Variants in URB2 observed in about 807,000 individuals in gnomAD.
The protein encoded by URB2 is URB2 ribosome biogenesis homolog.
URB2 carries 86 observed loss-of-function variants against 120.9 expected under a neutral mutation model. The ratio of observed to expected loss-of-function variants is 0.71; its 90% CI spans 0.60 to 0.85. The LOEUF is 0.85. Ranked by LOEUF, URB2 falls within the 40% of genes least tolerant of loss-of-function variation. URB2 has a pLI of 0.00. For missense variants in URB2, 1,765 were observed against 1,836.5 expected (o/e 0.96, Z 0.71); for synonymous variants, 755 against 758.4 (o/e 1.00, Z 0.07).
At chr1:229,650,644 T>C (rs563033257) in intron 7 of URB2, among the ~76,000 whole-genome samples, 1 of 152,254 alleles carries the variant, frequency 6.6e-6, no homozygotes, top group East Asian at 1.9e-4. Context: ...TTGGCCAGGC[T>C]GGTCTCCAAC....
rs1452653754 is a variant in URB2 at position 229,635,634 on chromosome 1, C to G, written c.1021C>G (p.Gln341Glu). The change falls in exon 4 of 10, where the codon CAG (glutamine) becomes GAG (glutamate). Residue 341 changes from glutamine (Q) to glutamate (E), a missense_variant. Gln to Glu is a conservative substitution (Grantham distance 29). Transcript: ENST00000258243. ...LFGCLKISHL[Q>E]EEQSKALSTS... ...TGGCTGCTTGAAGATTTCACACCTG[C>G]AGGAGGAGCAGAGCAAAGCCCTGTC... The G allele has an allele frequency of 6.2e-7, 1 of 1,614,080 alleles. No individual in the cohort carries two copies. The highest frequency in any genetic ancestry group is 8.5e-7 in the Non-Finnish European group (1 of 1,180,030).
At position 229,635,268 on chromosome 1, in the gene URB2, C is replaced by A; in HGVS notation, c.655C>A (p.Gln219Lys). The A allele has an allele frequency of 6.2e-7, 1 of 1,614,192 alleles. No individual in the cohort carries two copies. Among genetic ancestry groups the A allele is most frequent in the Non-Finnish European group, 8.5e-7 (1 of 1,180,046 alleles). Residue 219 changes from glutamine to lysine, a missense_variant, in exon 4 of 10, where the codon CAG (glutamine) becomes AAG (lysine). Physicochemically the swap from Gln to Lys is moderately conservative, Grantham distance 53 (BLOSUM62 1). Coordinates refer to ENST00000258243, the MANE Select transcript of URB2 (RefSeq NM_014777.4). Reference sequence around the variant, plus strand: ...CTTACTCTCTGGGGGCACATGGACGCAGGCTGGCCAGGGCCAGCTGAGGCA... The same window carrying A: ...CTTACTCTCTGGGGGCACATGGACGAAGGCTGGCCAGGGCCAGCTGAGGCA... Reference protein sequence around the residue: ...RHLLSGGTWTQAGQGQLRQVL... With the variant: ...RHLLSGGTWTKAGQGQLRQVL...
intron 2 of URB2, among the ~76,000 whole-genome samples, chr1:229,628,617 A>G (rs1446610482): frequency 6.6e-6 from 1 of 152,208 alleles, no homozygotes; most frequent in Non-Finnish European, 1.5e-5. Context: ...GTGCTTTGTT[A>G]AAAGTCTTCC....
chr1:229,639,940 G>A (rs1350451998), intron 4 of URB2, among the ~76,000 whole-genome samples: 2 of 152,068 alleles, frequency 1.3e-5, no homozygotes, highest in Non-Finnish European at 2.9e-5. Context: ...ATATAATTAT[G>A]AAAACTATTA....
At chr1:229,652,634 G>A (rs1440336296) in intron 8 of URB2, among the ~76,000 whole-genome samples, 1 of 152,242 alleles carries the variant, frequency 6.6e-6, no homozygotes, top group Non-Finnish European at 1.5e-5. Context: ...TAGTAAACAA[G>A]TTTCCCCTCC....
Position 229,659,382 on chromosome 1 carries a change from A to T in URB2, c.*85A>T, listed in dbSNP as rs1666472263. The T allele has an allele frequency of 1.4e-6, 2 of 1,420,402 alleles. No individual in the cohort carries two copies. The highest frequency in any genetic ancestry group is 2.5e-4 in the Middle Eastern group (1 of 4,036). 88.0% of individuals were successfully genotyped at this position (1,420,402 alleles called of 1,614,324 possible). ...AAAGAGCTGGAGAATGAAAGACTTAAGATGTTCTAATTCGTAGTATTGGTA... is the reference window on the plus strand; with the variant it reads ...AAAGAGCTGGAGAATGAAAGACTTATGATGTTCTAATTCGTAGTATTGGTA... On this transcript the variant is annotated 3_prime_UTR_variant, in exon 10 of 10. Transcript: ENST00000258243.
Position 229,636,841 on chromosome 1 carries a change from T to A in URB2, c.2228T>A (p.Ile743Asn), listed in dbSNP as rs1223748485. 4 of 1,611,492 alleles carry A rather than the reference T, an allele frequency of 2.5e-6. No homozygotes were observed. Among genetic ancestry groups the A allele is most frequent in the Non-Finnish European group, 2.5e-6 (3 of 1,177,884 alleles). ...TACCCTGTAGCACACTGGCACTTGA[T>A]TGTGTCAAATCTCACAATTTTAATA... Reference protein sequence around the residue: ...LTYPVAHWHLIVSNLTILISY... With the variant: ...LTYPVAHWHLNVSNLTILISY... Residue 743 changes from isoleucine to asparagine, a missense_variant, in exon 4 of 10, where the codon ATT (isoleucine) becomes AAT (asparagine). Coordinates refer to ENST00000258243, the MANE Select transcript of URB2 (RefSeq NM_014777.4).
intron 1 of URB2, among the ~76,000 whole-genome samples, chr1:229,627,399 T>G (rs1323019917): frequency 6.6e-6 from 1 of 152,222 alleles, no homozygotes; most frequent in Non-Finnish European, 1.5e-5. Context: ...GTGTGTGCAG[T>G]CCATCTTTTG....
chr1:229,628,272 T>TTATACATATACATATTA (rs1347099829), intron 2 of URB2, among the ~76,000 whole-genome samples: 32 of 147,116 alleles, frequency 2.2e-4, no homozygotes, highest in South Asian at 4.2e-4. Context: ...TGTATATAAA[T>TTATACATATACATATTA]TAGTCAGACA....
intron 3 of URB2, among the ~76,000 whole-genome samples, chr1:229,634,146 A>G (rs1177382020): frequency 1.3e-5 from 2 of 151,478 alleles, no homozygotes; most frequent in Non-Finnish European, 2.9e-5. Flanking sequence ...TTCCTTTTTA[A>G]AAGAGTGCCT....
chr1:229,658,318 G>A (rs1037864431), intron 9 of URB2, among the ~76,000 whole-genome samples: 4 of 152,116 alleles, frequency 2.6e-5, no homozygotes, highest in African/African-American at 9.7e-5. Flanking sequence ...AAGTTTGGGT[G>A]GAGCATCAGA....
rs1342726833 is a variant in URB2, at chr1:229,635,429, G to C, written c.816G>C (p.Lys272Asn). 1 of 1,613,866 alleles carries C rather than the reference G, an allele frequency of 6.2e-7. No individual in the cohort carries two copies. Among genetic ancestry groups the C allele is most frequent in the East Asian group, 2.2e-5 (1 of 44,892 alleles). Reference protein sequence around the residue: ...QQGDVKTGAMKNLLAPMDTVL... With the variant: ...QQGDVKTGAMNNLLAPMDTVL... Reference sequence around the variant, plus strand: ...GGGATGTGAAGACGGGAGCCATGAAGAACCTTCTGGCTCCCATGGACACCG... The same window carrying C: ...GGGATGTGAAGACGGGAGCCATGAACAACCTTCTGGCTCCCATGGACACCG... Residue 272 changes from lysine to asparagine, a missense_variant, in exon 4 of 10, where the codon AAG (lysine) becomes AAC (asparagine). Coordinates refer to ENST00000258243, the MANE Select transcript of URB2 (RefSeq NM_014777.4).
At chr1:229,639,915 A>C (rs894748904) in intron 4 of URB2, among the ~76,000 whole-genome samples, 3 of 152,210 alleles carry the variant, frequency 2.0e-5, no homozygotes, top group Admixed American at 6.5e-5. Flanking sequence ...ATGGGTTACT[A>C]TGCAGCCGTT....
At chr1:229,630,666 C>T (rs1424061186) in intron 2 of URB2, among the ~76,000 whole-genome samples, 2 of 152,128 alleles carry the variant, frequency 1.3e-5, no homozygotes, top group South Asian at 2.1e-4. Context: ...TGAAGCCAGG[C>T]ATTGACTTCT....
rs551695761 is a variant in URB2, at chr1:229,646,113, G to C, written c.3906+144G>C. On this transcript the variant is annotated intron_variant, in intron 6 of 9. Transcript: ENST00000258243. Reference sequence around the variant, plus strand: ...ACTTCCAAAGGGCGGTGGTGAGCAGGATGCCGAGCTTGTGTGTCCTGCCTG... The same window carrying C: ...ACTTCCAAAGGGCGGTGGTGAGCAGCATGCCGAGCTTGTGTGTCCTGCCTG... 9.2e-5 allele frequency: 65 copies of C among 707,616 alleles called. 1 individual carries two copies. In the South Asian group the frequency reaches 1.1e-3, roughly 12 times the overall value. 43.8% of individuals were successfully genotyped at this position (707,616 alleles called of 1,614,324 possible). A position where few individuals can be genotyped will look rare whatever the true frequency, so the allele number is the denominator to read the frequency against.
rs753731601 is a variant in URB2 at position 229,637,561 on chromosome 1, G to A, written c.2948G>A (p.Ser983Asn). ...VVLTSLFRAS[S>N]RFLIEMDDPA... ...CTGACCTCATTGTTCAGAGCTAGTA[G>A]TAGGTTCCTTATTGAGATGGATGAT... The change falls in exon 4 of 10, where the codon AGT becomes AAT. Residue 983 changes from serine to asparagine, a missense_variant. Ser to Asn is a conservative substitution (Grantham distance 46, BLOSUM62 1). Coordinates refer to ENST00000258243, the MANE Select transcript of URB2 (RefSeq NM_014777.4). 3.7e-6 allele frequency: 6 copies of A among 1,614,224 alleles called. No individual in the cohort carries two copies. The East Asian group carries it at 1.1e-4, about 30-fold the overall frequency.
chr1:229,626,481 C>T (rs549703516), intron 1 of URB2, 125 bp downstream of exon 1: 1 of 152,838 alleles, frequency 6.5e-6, no homozygotes, highest in Non-Finnish European at 1.5e-5. Context: ...GGCCCCCCAA[C>T]CCTGCCCAGT....
Position 229,637,816 on chromosome 1 carries a change from G to T in URB2, c.3203G>T (p.Gly1068Val). 1 of 1,611,504 alleles carries T rather than the reference G, an allele frequency of 6.2e-7. No homozygotes were observed. Among genetic ancestry groups the T allele is most frequent in the Non-Finnish European group, 8.5e-7 (1 of 1,178,988 alleles). ...TTAACCAGGTTGTGCCATGTCCTGG[G>T]ACCTTTCCTCAAAGAGCAGAAGCTG... is the stretch of plus-strand genomic sequence containing the variant. ...VSLTRLCHVL[G>V]PFLKEQKLGQ... The change falls in exon 4 of 10, where the codon GGA becomes GTA. Residue 1068 changes from glycine to valine, a missense_variant. Coordinates refer to ENST00000258243, the MANE Select transcript of URB2 (RefSeq NM_014777.4).
At position 229,635,746 on chromosome 1, in the gene URB2, A is replaced by G; in HGVS notation, c.1133A>G (p.Asp378Gly). The change falls in exon 4 of 10, where the codon GAC becomes GGC. Residue 378 changes from aspartate (D) to glycine (G), a missense_variant. Asp to Gly is a moderately conservative substitution (Grantham distance 94, BLOSUM62 -1). Transcript: ENST00000258243. ...AACAATATCTACAACATCGCTGCCG[A>G]CAGAATTCGGCACGAAGAGGCTCAG... ...ANNNIYNIAADRIRHEEAQFR... is the reference protein window; with the variant it reads ...ANNNIYNIAAGRIRHEEAQFR... 6.2e-7 allele frequency: 1 copy of G among 1,614,154 alleles called. No homozygotes were observed. The highest frequency in any genetic ancestry group is 8.5e-7 in the Non-Finnish European group (1 of 1,180,044).
Sources: gnomAD v4.1 joint callset for allele counts (sites outside exome capture counted in the v4.1 genomes callset) on GRCh38, gnomAD v4.1.1 for gene constraint, MANE v1.5 for transcripts, NCBI Gene and HGNC (gene_info 2026-07-23, HGNC 2026-07-21) for gene names.